Variants in FTO observed in about 807,000 individuals in gnomAD.
FTO encodes FTO alpha-ketoglutarate dependent dioxygenase, also known as alpha-ketoglutarate-dependent dioxygenase FTO.
FTO carries 47 observed loss-of-function variants against 63.9 expected under a neutral mutation model. The ratio of observed to expected loss-of-function variants is 0.74; its 90% CI spans 0.58 to 0.94. The LOEUF is 0.94. Ranked by LOEUF, FTO falls within the 40% of genes least tolerant of loss-of-function variation. The pLI is 0.00. For synonymous variants in FTO, 207 were observed against 224.4 expected, an observed-to-expected ratio of 0.92 and a Z score of 0.69; for missense variants, 562 against 618.1, an observed-to-expected ratio of 0.91 and a Z score of 0.96.
intron 1 of FTO, among the ~76,000 whole-genome samples, chr16:53,718,497 T>A (rs2075949830): frequency 6.6e-6 from 1 of 152,092 alleles, no homozygotes; most frequent in Admixed American, 6.5e-5. Flanking sequence ...TTTCAGTAAT[T>A]ATACTCTCCT....
chr16:54,025,658 G>A (rs910099684), intron 8 of FTO, among the ~76,000 whole-genome samples: 4 of 151,842 alleles, frequency 2.6e-5, no homozygotes, highest in African/African-American at 9.7e-5. Context: ...GGAGGCAGGG[G>A]TTGCAGTGAG....
At position 53,730,618 on chromosome 16, in the gene FTO, G is replaced by A. The variant is rs543597211; in HGVS notation, c.45+26389G>A. Among the ~76,000 whole-genome samples the A allele has an allele frequency of 8.6e-5, 13 of 151,862 alleles. No homozygotes were observed. In the South Asian group the frequency reaches 1.3e-3, roughly 15 times the overall value. On this transcript the variant is annotated intron_variant, in intron 1 of 8. Transcript: ENST00000471389. ...CAGGTGATCCTCCCAACACAGCCTC[G>A]TGAGTAGCTGGGACTACAGGTGTGC...
intron 8 of FTO, chr16:54,033,903 CA>C (rs1384104302): frequency 6.6e-6 from 1 of 152,168 alleles, no homozygotes; most frequent in Non-Finnish European, 1.5e-5. Context: ...CTGTAAGCTC[CA>C]AACAATATGA....
chr16:53,749,719 G>T (rs903561302), intron 1 of FTO, among the ~76,000 whole-genome samples: 1 of 152,156 alleles, frequency 6.6e-6, no homozygotes, highest in African/African-American at 2.4e-5. Context: ...GATCACAAGC[G>T]TGAGCCACTG....
At chr16:54,048,438 T>A (rs1277066677) in intron 8 of FTO, among the ~76,000 whole-genome samples, 2 of 151,980 alleles carry the variant, frequency 1.3e-5, no homozygotes, top group Non-Finnish European at 2.9e-5. Context: ...TTTTAGTAAA[T>A]CATTCCACCA....
chr16:53,918,795 A>C (rs554110870), intron 7 of FTO, among the ~76,000 whole-genome samples: 3 of 152,236 alleles, frequency 2.0e-5, no homozygotes, highest in South Asian at 2.1e-4. Flanking sequence ...ATCACATGGC[A>C]GTTTACCTTC....
intron 7 of FTO, among the ~76,000 whole-genome samples, chr16:53,892,427 C>T (rs1035060101): frequency 6.6e-6 from 1 of 152,138 alleles, no homozygotes; most frequent in Non-Finnish European, 1.5e-5. Flanking sequence ...ACAAATTCAA[C>T]AGCAATTTAA....
intron 1 of FTO, among the ~76,000 whole-genome samples, chr16:53,774,689 G>C (rs1351160128): frequency 6.6e-6 from 1 of 152,180 alleles, no homozygotes; most frequent in Non-Finnish European, 1.5e-5. Context: ...AGGAGGACCA[G>C]AGAAATGGGC....
intron 8 of FTO, among the ~76,000 whole-genome samples, chr16:54,074,703 T>G (rs1404237490): frequency 6.6e-6 from 1 of 152,192 alleles, no homozygotes; most frequent in Non-Finnish European, 1.5e-5. Flanking sequence ...GTCTAAAAAT[T>G]TTGTGTGAAT....
chr16:54,018,817 C>T (rs913170887), intron 8 of FTO, among the ~76,000 whole-genome samples: 3 of 152,146 alleles, frequency 2.0e-5, no homozygotes, highest in African/African-American at 7.2e-5. Context: ...GTCAATTAAA[C>T]CTCTTTCCTT....
At chr16:54,070,207 A>G (rs77132435) in intron 8 of FTO, 1 of 151,994 alleles carries the variant, frequency 6.6e-6, no homozygotes, top group Non-Finnish European at 1.5e-5. Flanking sequence ...CAGAATGGTC[A>G]TTTTTTTCTC....
chr16:53,735,919 G>C (rs2076381531), intron 1 of FTO, among the ~76,000 whole-genome samples: 1 of 151,986 alleles, frequency 6.6e-6, no homozygotes, highest in African/African-American at 2.4e-5. Context: ...TCTAAAATCT[G>C]ACCCTTCCTT....
chr16:53,793,596 TATA>T (rs2077984335), intron 1 of FTO, among the ~76,000 whole-genome samples: 1 of 152,126 alleles, frequency 6.6e-6, no homozygotes, highest in Non-Finnish European at 1.5e-5. Flanking sequence ...TGCTAGAAAA[TATA>T]ATATTACAGC....
intron 1 of FTO, among the ~76,000 whole-genome samples, chr16:53,719,662 T>C (rs866603215): frequency 8.1e-4 from 122 of 151,264 alleles, no homozygotes; most frequent in African/African-American, 2.7e-3. Context: ...AACAAGCTCT[T>C]GAATTTGTTT....
chr16:53,935,350 C>G (rs1472235338), intron 8 of FTO, among the ~76,000 whole-genome samples: 1 of 152,092 alleles, frequency 6.6e-6, no homozygotes, highest in Admixed American at 6.5e-5. Flanking sequence ...TTTGTCTGAA[C>G]AAGGCTGAAG....
intron 8 of FTO, among the ~76,000 whole-genome samples, chr16:53,983,625 T>C (rs2083598779): frequency 6.9e-6 from 1 of 145,106 alleles, no homozygotes; most frequent in Non-Finnish European, 1.5e-5. Context: ...CACACACACA[T>C]CAGATATGGT....
intron 8 of FTO, among the ~76,000 whole-genome samples, chr16:54,080,538 C>A (rs2086116647): frequency 6.6e-6 from 1 of 152,184 alleles, no homozygotes; most frequent in African/African-American, 2.4e-5. Context: ...CTCTCTTGAA[C>A]TGAGCCTAAA....
intron 7 of FTO, among the ~76,000 whole-genome samples, chr16:53,918,445 A>G (rs1042398032): frequency 6.6e-6 from 1 of 152,206 alleles, no homozygotes; most frequent in Non-Finnish European, 1.5e-5. Context: ...TGGCATGATA[A>G]TCTTATGAGA....
intron 6 of FTO, among the ~76,000 whole-genome samples, chr16:53,883,633 A>C (rs2080911371): frequency 6.8e-6 from 1 of 146,076 alleles, no homozygotes; most frequent in South Asian, 2.2e-4. Context: ...AAAAAAAAAA[A>C]AACAAAAAAA....
Sources: gnomAD v4.1 joint callset for allele counts (sites outside exome capture counted in the v4.1 genomes callset) on GRCh38, gnomAD v4.1.1 for gene constraint, MANE v1.5 for transcripts, NCBI Gene and HGNC (gene_info 2026-07-23, HGNC 2026-07-21) for gene names.